The following P2RY8 variants were observed in gnomAD, a reference collection of about 807,000 sequenced individuals.
P2RY8 encodes the protein P2Y receptor family member 8.
Under a neutral mutation model 10.0 loss-of-function variants are expected in P2RY8, and 6 were observed. The observed-to-expected ratio is 0.60, with a 90% CI of 0.33 to 1.19. P2RY8 has a LOEUF of 1.19. P2RY8 is among the 50% of genes most tolerant of loss of function. P2RY8 has a pLI of 0.04. For missense variants in P2RY8, 456 were observed against 542.0 expected (o/e 0.84, Z 1.58); for synonymous variants, 276 against 252.5 (o/e 1.09, Z -0.88).
intron 1 of P2RY8, among the ~76,000 whole-genome samples, chrX:1,482,069 G>T (rs1312964825): frequency 6.6e-6 from 1 of 152,108 alleles, no homozygotes; most frequent in Non-Finnish European, 1.5e-5. Context: ...CATTCTCAGA[G>T]TATATAGCAC....
chrX:1,484,908 G>C (rs2091973462), intron 1 of P2RY8, among the ~76,000 whole-genome samples: 1 of 150,390 alleles, frequency 6.6e-6, no homozygotes, highest in East Asian at 2.0e-4. Context: ...TCTCCTCCTA[G>C]GTAAAAGCTG....
intron 1 of P2RY8, among the ~76,000 whole-genome samples, chrX:1,533,652 C>A (rs1378150584): frequency 8.2e-6 from 1 of 121,776 alleles, no homozygotes; most frequent in East Asian, 2.5e-4. Context: ...TTATTATTTA[C>A]ATATTTATTA....
chrX:1,514,854 C>T (rs1367219993), intron 1 of P2RY8, among the ~76,000 whole-genome samples: 3 of 31,582 alleles, frequency 9.5e-5, no homozygotes, highest in Admixed American at 5.9e-4. Context: ...CCTTTCCCTC[C>T]CCCTCCCCCT....
At chrX:1,502,100 A>G (rs1406759014) in intron 1 of P2RY8, among the ~76,000 whole-genome samples, 1 of 151,604 alleles carries the variant, frequency 6.6e-6, no homozygotes, top group Admixed American at 6.6e-5. Flanking sequence ...TAGTAGACAC[A>G]GGGTTTTACT....
At chrX:1,530,666 C>A (rs1290601187) in intron 1 of P2RY8, among the ~76,000 whole-genome samples, 123 of 150,862 alleles carry the variant, frequency 8.2e-4, no homozygotes, top group Non-Finnish European at 1.4e-3. Context: ...ATGTATCTCT[C>A]TAATCTATCA....
intron 1 of P2RY8, among the ~76,000 whole-genome samples, chrX:1,524,669 TCATC>T (rs1208902272): frequency 2.0e-5 from 1 of 51,098 alleles, no homozygotes; most frequent in African/African-American, 8.1e-5. Context: ...ATCCATCCAT[TCATC>T]CATCCATCCA....
chrX:1,473,560 G>A (rs1185114828), intron 1 of P2RY8, among the ~76,000 whole-genome samples: 61 of 150,998 alleles, frequency 4.0e-4, no homozygotes, highest in Non-Finnish European at 7.5e-4. Flanking sequence ...TGAATGGTAG[G>A]TGGGTTTGTG....
intron 1 of P2RY8, among the ~76,000 whole-genome samples, chrX:1,489,825 G>A (rs1355893796): frequency 5.3e-4 from 33 of 62,596 alleles, no homozygotes; most frequent in South Asian, 1.4e-3. Flanking sequence ...GCAAATGTGG[G>A]GGGAATGAAT....
At position 1,509,188 on chromosome X, in the gene P2RY8, T is replaced by TATCTATCTATCC. The variant is rs1569538112; in HGVS notation, c.-25+27732_-25+27733insGGATAGATAGAT. On this transcript the variant is annotated intron_variant, in intron 1 of 1. Coordinates refer to ENST00000381297, the MANE Select transcript of P2RY8 (RefSeq NM_178129.5). ...CTATCTATCTATCTATCTATCTATC[T>TATCTATCTATCC]ATCCATCTATGTATCTACCTATCTA... 1.4e-4 allele frequency among the ~76,000 whole-genome samples: 21 copies of TATCTATCTATCC among 145,312 alleles called. No individual in the cohort carries two copies. In the South Asian group the frequency reaches 3.5e-3, roughly 24 times the overall value.
At chrX:1,492,935 C>T (rs5989752) in intron 1 of P2RY8, among the ~76,000 whole-genome samples, 25,666 of 151,710 alleles carry the variant, frequency 0.17, 2,334 homozygotes, top group South Asian at 0.29. Context: ...TTGAACACAC[C>T]CCCGCCTCCA....
chrX:1,465,408 A>G lies in P2RY8; in HGVS notation c.*71T>C. On this transcript the variant is annotated 3_prime_UTR_variant, in exon 2 of 2. Coordinates refer to ENST00000381297, the MANE Select transcript of P2RY8 (RefSeq NM_178129.5). ...CAGCTGTTCTCCCTGAACCTCTGGC[A>G]CCGTGGCCTCTCCATGCGCCCCTGG... is the stretch of plus-strand genomic sequence containing the variant. 6 of 1,526,762 alleles carry G rather than the reference A, an allele frequency of 3.9e-6. No homozygotes were observed. The highest frequency in any genetic ancestry group is 5.2e-6 in the Non-Finnish European group (6 of 1,145,080). 94.6% of individuals were successfully genotyped at this position (1,526,762 alleles called of 1,614,324 possible).
chrX:1,524,697 C>G (rs1238970933), intron 1 of P2RY8, among the ~76,000 whole-genome samples: 1 of 125,358 alleles, frequency 8.0e-6, no homozygotes, highest in African/African-American at 2.8e-5. Context: ...ATCCATCCAT[C>G]CATCCATCCA....
chrX:1,513,433 C>G (rs2052167228), intron 1 of P2RY8, among the ~76,000 whole-genome samples: 1 of 152,178 alleles, frequency 6.6e-6, no homozygotes, highest in Admixed American at 6.6e-5. Context: ...AGGATCCCTC[C>G]TGCCTCTCCA....
chrX:1,481,546 C>CCCACCTTTGGGTTTAGGAGAGT (rs2091935487), intron 1 of P2RY8, among the ~76,000 whole-genome samples: 1 of 151,346 alleles, frequency 6.6e-6, no homozygotes, highest in Non-Finnish European at 1.5e-5. Context: ...GTTTAAGGAG[C>CCCACCTTTGGGTTTAGGAGAGT]CCAGCTTTGG....
chrX:1,466,710 TCCTC>T (rs369143318), intron 1 of P2RY8, 128 bp from the exon 2 acceptor site: 4 of 616,482 alleles, frequency 6.5e-6, no homozygotes, highest in East Asian at 2.8e-5. Flanking sequence ...GCCTGCTGTC[TCCTC>T]CCTCCCTCCC....
intron 1 of P2RY8, among the ~76,000 whole-genome samples, chrX:1,528,646 C>T (rs2092454210): frequency 6.6e-6 from 1 of 152,136 alleles, no homozygotes; most frequent in Admixed American, 6.5e-5. Context: ...ATTTGAGTCT[C>T]TTTGAATGCG....
chrX:1,533,707 T>C (rs2149418189), intron 1 of P2RY8, among the ~76,000 whole-genome samples: 1 of 125,764 alleles, frequency 8.0e-6, no homozygotes, highest in Admixed American at 8.5e-5. Flanking sequence ...TATTATATAC[T>C]TATATATTCA....
At chrX:1,478,958 T>C (rs757727077) in intron 1 of P2RY8, among the ~76,000 whole-genome samples, 288 of 152,252 alleles carry the variant, frequency 1.9e-3, no homozygotes, top group African/African-American at 6.5e-3. Flanking sequence ...CCGGGGTTGA[T>C]ACCACCACTT....
intron 1 of P2RY8, among the ~76,000 whole-genome samples, chrX:1,493,671 C>CT (rs1353956580): frequency 8.5e-5 from 13 of 152,178 alleles, no homozygotes; most frequent in Non-Finnish European, 1.6e-4. Context: ...GAAGGTGGGA[C>CT]TTTCTTCATC....
Sources: allele counts gnomAD v4.1 joint callset (sites outside exome capture counted in the v4.1 genomes callset), GRCh38; gene constraint gnomAD v4.1.1; transcripts MANE v1.5; gene names NCBI Gene and HGNC (gene_info 2026-07-23, HGNC 2026-07-21).